The following CELSR1 variants were observed in gnomAD, a reference collection of about 807,000 sequenced individuals.
CELSR1 encodes the protein adhesion G protein-coupled receptor C1.
CELSR1 carries 110 observed loss-of-function variants against 249.1 expected under a neutral mutation model. The ratio of observed to expected loss-of-function variants is 0.44; its 90% CI spans 0.38 to 0.52. The LOEUF is 0.52. Ranked by LOEUF, CELSR1 falls within the 20% of genes least tolerant of loss-of-function variation. The probability of loss-of-function intolerance (pLI) is 0.00; values close to 1 mark genes in which losing one functional copy is unlikely to be tolerated. For missense variants in CELSR1, 4,109 were observed against 4,296.4 expected (o/e 0.96, Z 1.22); for synonymous variants, 2,113 against 1,900.0 (o/e 1.11, Z -2.92).
chr22:46,534,945 G>T lies in CELSR1; in HGVS notation c.2226C>A (p.Gly742=). The change falls in exon 1 of 35, where the codon GGC becomes GGA. Residue 742 remains glycine, a synonymous_variant. Transcript: ENST00000674500. The surrounding 1 kb of genome is among the most constrained non-coding windows in gnomAD (Gnocchi z 9.7). ...RFALSSQRGG[G]LITLALPLDY... ...CCAGAGGTAGCGCCAGGGTGATGAG[G>T]CCGCCCCCTCTCTGGCTGCTGAGTG... The T allele has an allele frequency of 3.7e-6, 6 of 1,612,360 alleles. No homozygotes were observed. The highest frequency in any genetic ancestry group is 5.1e-6 in the Non-Finnish European group (6 of 1,179,922).
chr22:46,364,173 T>C lies in CELSR1; in HGVS notation c.8858A>G (p.Lys2953Arg). ...EQTLKGRLRE[K>R]LADCEQSPTS... ...GGGGCTCTGCTCACAGTCGGCCAGCTTCTCCCGGAGCCGGCCCTTCAGCGT... is the reference window on the plus strand; with the variant it reads ...GGGGCTCTGCTCACAGTCGGCCAGCCTCTCCCGGAGCCGGCCCTTCAGCGT... Residue 2953 changes from lysine to arginine, a missense_variant, in exon 34 of 35, where the codon AAG becomes AGG. Coordinates refer to ENST00000674500, the MANE Select transcript of CELSR1 (RefSeq NM_001378328.1). 6.2e-7 allele frequency: 1 copy of C among 1,612,254 alleles called. No individual in the cohort carries two copies. The highest frequency in any genetic ancestry group is 1.1e-5 in the South Asian group (1 of 91,076).
intron 23 of CELSR1, chr22:46,377,741 CAG>C (rs1215074527): frequency 1.1e-5 from 2 of 182,808 alleles, no homozygotes; most frequent in African/African-American, 4.7e-5. Flanking sequence ...GCCCATGAGA[CAG>C]GGGCAGAGGC....
intron 1 of CELSR1, among the ~76,000 whole-genome samples, chr22:46,515,048 C>T (rs1310402651): frequency 1.3e-5 from 2 of 152,204 alleles, no homozygotes; most frequent in African/African-American, 2.4e-5. Context: ...GCACCCCCAG[C>T]ACCCCCTCAG....
chr22:46,432,416 C>T (rs1036555804), intron 5 of CELSR1, among the ~76,000 whole-genome samples: 1 of 152,208 alleles, frequency 6.6e-6, no homozygotes, highest in Non-Finnish European at 1.5e-5. Context: ...GCCAACCAAG[C>T]TTAGGCCCCA....
intron 1 of CELSR1, among the ~76,000 whole-genome samples, chr22:46,465,641 G>A (rs150065089): frequency 1.3e-5 from 2 of 152,368 alleles, no homozygotes; most frequent in South Asian, 2.1e-4. Flanking sequence ...CTCCGCACCC[G>A]GCGCTTTCCC....
In CELSR1 at chr22:46,435,219, T is replaced by A. The variant is rs1281820708; in HGVS notation, c.4522+955A>T. On this transcript the variant is annotated intron_variant, in intron 4 of 34. Transcript: ENST00000674500. ...TGCCCGCCTTGGCCTCTCAAAGTGC[T>A]AGGATTACAGGCATGAGCCACCTTG... 2.5e-4 allele frequency among the ~76,000 whole-genome samples: 36 copies of A among 142,790 alleles called. 1 individual carries two copies. In the Admixed American group the frequency reaches 2.6e-3, roughly 10 times the overall value. 93.7% of individuals were successfully genotyped at this position (142,790 alleles called of 152,430 possible).
intron 2 of CELSR1, among the ~76,000 whole-genome samples, chr22:46,443,053 G>A (rs949345456): frequency 5.9e-5 from 9 of 151,682 alleles, no homozygotes; most frequent in Middle Eastern, 3.2e-3. Flanking sequence ...AGCCGAGATC[G>A]CACCGCGGCA....
At position 46,392,217 on chromosome 22, in the gene CELSR1, C is replaced by G. The variant is rs149922663; in HGVS notation, c.5965-401G>C. ...TCCACCATTGGGTGGGTCAGGGTGACAATCAAGAGCTTGTACTTCGGGTTC... is the reference window on the plus strand; with the variant it reads ...TCCACCATTGGGTGGGTCAGGGTGAGAATCAAGAGCTTGTACTTCGGGTTC... On this transcript the variant is annotated intron_variant, in intron 14 of 34. Coordinates refer to ENST00000674500, the MANE Select transcript of CELSR1 (RefSeq NM_001378328.1). 1.1e-3 allele frequency among the ~76,000 whole-genome samples: 167 copies of G among 152,352 alleles called. 2 individuals are homozygous for G. In the East Asian group the frequency reaches 0.026, roughly 23 times the overall value.
In CELSR1 at chr22:46,433,381, G is replaced by T. The variant is rs2079618907; in HGVS notation, c.4611+12C>A. 3 of 1,609,470 alleles carry T rather than the reference G, an allele frequency of 1.9e-6. No individual in the cohort carries two copies. Among genetic ancestry groups the T allele is most frequent in the Non-Finnish European group, 2.5e-6 (3 of 1,176,622 alleles). ...CCCTGGGGCCAGGGGGAAGTGGTGG[G>T]GCCCATCTTACCTTGTTGTAGTACT... On this transcript the variant is annotated intron_variant, in intron 5 of 34. Coordinates refer to ENST00000674500, the MANE Select transcript of CELSR1 (RefSeq NM_001378328.1). This position sits in a 1 kb window ranked among gnomAD's most constrained non-coding sequence, Gnocchi z 5.7.
chr22:46,414,279 C>T (rs532793962), intron 5 of CELSR1, among the ~76,000 whole-genome samples: 6 of 152,158 alleles, frequency 3.9e-5, no homozygotes, highest in South Asian at 2.1e-4. Context: ...CACCCACCGG[C>T]GGCCACTGGG....
rs1244166115 is a variant in CELSR1, at chr22:46,381,001, C to T, written c.7089-46G>A. On this transcript the variant is annotated intron_variant, in intron 21 of 34. Coordinates refer to ENST00000674500, the MANE Select transcript of CELSR1 (RefSeq NM_001378328.1). The surrounding 1 kb of genome is among the most constrained non-coding windows in gnomAD (Gnocchi z 6.0). ...CATGGGGACAAACACGGTGAGGAAA[C>T]ATCTGCTTAAATCCCGCGCACAAAT... The T allele has an allele frequency of 3.8e-6, 6 of 1,590,112 alleles. No homozygotes were observed. The highest frequency in any genetic ancestry group is 2.7e-5 in the African/African-American group (2 of 74,428).
At chr22:46,482,936 C>T (rs2080280534) in intron 1 of CELSR1, among the ~76,000 whole-genome samples, 1 of 152,114 alleles carries the variant, frequency 6.6e-6, no homozygotes, top group Non-Finnish European at 1.5e-5. Flanking sequence ...AGCCCAGAAA[C>T]AGGTCCACAC....
At chr22:46,394,304 T>G in intron 13 of CELSR1, 42 bp from the exon 14 acceptor site, 1 of 1,587,520 alleles carries the variant, frequency 6.3e-7, no homozygotes. Flanking sequence ...TTTATGTAAC[T>G]GTGCTTTCTG....
rs2147411503 is a variant in CELSR1 at position 46,428,570 on chromosome 22, T to C, written c.4611+4823A>G. Among the ~76,000 whole-genome samples, 1 of 152,334 alleles carries C rather than the reference T, an allele frequency of 6.6e-6. No individual in the cohort carries two copies. The highest frequency in any genetic ancestry group is 2.1e-4 in the South Asian group (1 of 4,828). ...GGGGCCTGACAATGATGAAGACCTC[T>C]TGGTTGTCAAAACCGGGTTAGGGGA... On this transcript the variant is annotated intron_variant, in intron 5 of 34. Transcript: ENST00000674500. The surrounding 1 kb of genome is among the most constrained non-coding windows in gnomAD (Gnocchi z 5.7).
intron 19 of CELSR1, among the ~76,000 whole-genome samples, chr22:46,384,888 C>G (rs148881315): frequency 0.058 from 7,759 of 134,636 alleles, 232 homozygotes; most frequent in Non-Finnish European, 0.072. Context: ...CTCCCAGATT[C>G]AAGCAATATC....
intron 23 of CELSR1, among the ~76,000 whole-genome samples, chr22:46,378,137 C>T (rs1569115474): frequency 1.3e-5 from 2 of 152,266 alleles, no homozygotes; most frequent in Non-Finnish European, 2.9e-5. Flanking sequence ...ATTAGCCGCC[C>T]AGCCTTTTGT....
At position 46,512,252 on chromosome 22, in the gene CELSR1, G is replaced by A. The variant is rs1429718940; in HGVS notation, c.3544+21375C>T. On this transcript the variant is annotated intron_variant, in intron 1 of 34. Coordinates refer to ENST00000674500, the MANE Select transcript of CELSR1 (RefSeq NM_001378328.1). The surrounding 1 kb of genome is among the most constrained non-coding windows in gnomAD (Gnocchi z 5.2). Reference sequence around the variant, plus strand: ...AGAGGAGGACCAAGAAGCACTCAGGGACTGAGGTGTCAGCCCCCAAATCAA... The same window carrying A: ...AGAGGAGGACCAAGAAGCACTCAGGAACTGAGGTGTCAGCCCCCAAATCAA... Among the ~76,000 whole-genome samples, 1 of 150,050 alleles carries A rather than the reference G, an allele frequency of 6.7e-6. No homozygotes were observed. The highest frequency in any genetic ancestry group is 1.5e-5 in the Non-Finnish European group (1 of 68,010).
rs2147477347 is a variant in CELSR1 at position 46,440,789 on chromosome 22, A to AT, written c.4184-1379dup. 6.6e-6 allele frequency among the ~76,000 whole-genome samples: 1 copy of AT among 152,170 alleles called. No individual in the cohort carries two copies. Among genetic ancestry groups the AT allele is most frequent in the South Asian group, 2.1e-4 (1 of 4,820 alleles). ...TTTATGTATTTGTAGCCCCACAGAA[A>AT]TTTTTTGTCTGTATGTGATCATATT... On this transcript the variant is annotated intron_variant, in intron 2 of 34. Transcript: ENST00000674500. This position sits in a 1 kb window ranked among gnomAD's most constrained non-coding sequence, Gnocchi z 4.7.
In CELSR1 at chr22:46,381,953, C is replaced by T; in HGVS notation, c.6981G>A (p.Arg2327=). Residue 2327 remains arginine (R), a synonymous_variant, in exon 21 of 35, where the codon AGG becomes AGA. Transcript: ENST00000674500. This position sits in a 1 kb window ranked among gnomAD's most constrained non-coding sequence, Gnocchi z 6.0. The part of the protein sequence containing the change: ...TEREAPISRR[R]RHPDDAGQFA... Reference sequence around the variant, plus strand: ...ACTGGCCAGCGTCATCAGGGTGTCGCCTCCGCCTGCTGATCGGGGCCTCCC... The same window carrying T: ...ACTGGCCAGCGTCATCAGGGTGTCGTCTCCGCCTGCTGATCGGGGCCTCCC... The T allele has an allele frequency of 1.3e-6, 2 of 1,564,450 alleles. 1 individual carries two copies. Among genetic ancestry groups the T allele is most frequent in the Non-Finnish European group, 1.7e-6 (2 of 1,156,712 alleles).
Sources: gnomAD v4.1 joint callset for allele counts (sites outside exome capture counted in the v4.1 genomes callset) on GRCh38, gnomAD v4.1.1 for gene constraint, Gnocchi (gnomAD v3.1) non-coding constraint, MANE v1.5 for transcripts, NCBI Gene and HGNC (gene_info 2026-07-23, HGNC 2026-07-21) for gene names.